IL1RAPL1: variants seen among roughly 807,000 people sequenced by gnomAD.
IL1RAPL1 encodes the protein interleukin-1 receptor accessory protein-like 1.
IL1RAPL1 carries 3 observed loss-of-function variants against 48.4 expected under a neutral mutation model. The observed-to-expected ratio is 0.06, with a 90% CI of 0.03 to 0.16. The LOEUF is 0.16. Among genes scored for constraint, IL1RAPL1 ranks in the 10% least tolerant of loss-of-function variants. The pLI, the probability that IL1RAPL1 is intolerant of heterozygous loss-of-function variation, is 1.00. For missense variants in IL1RAPL1, 349 were observed against 530.6 expected (o/e 0.66, Z 3.36); for synonymous variants, 185 against 187.7 (o/e 0.99, Z 0.12).
At chrX:29,885,573 G>C (rs1932141009) in intron 6 of IL1RAPL1, among the ~76,000 whole-genome samples, 1 of 111,733 alleles carries the variant, frequency 8.9e-6, no homozygotes, top group Non-Finnish European at 1.9e-5. Context: ...AACTTTAGGA[G>C]GCTGAGGCAG....
chrX:28,759,024 G>A lies in IL1RAPL1; in HGVS notation c.-24-30296G>A, dbSNP rs1035566707. Among the ~76,000 whole-genome samples the A allele has an allele frequency of 6.3e-5, 7 of 111,895 alleles. No individual in the cohort carries two copies. The Admixed American group carries it at 6.7e-4, about 11-fold the overall frequency. ...GGCCGAGGAGGGCAGATCACCTAAGGTCAGGCGTTCAAGACCAGCCTGGCC... is the reference window on the plus strand; with the variant it reads ...GGCCGAGGAGGGCAGATCACCTAAGATCAGGCGTTCAAGACCAGCCTGGCC... On this transcript the variant is annotated intron_variant, in intron 1 of 10. Coordinates refer to ENST00000378993, the MANE Select transcript of IL1RAPL1 (RefSeq NM_014271.4).
chrX:29,231,860 T>A (rs932757744), intron 2 of IL1RAPL1, among the ~76,000 whole-genome samples: 1 of 112,275 alleles, frequency 8.9e-6, no homozygotes. Flanking sequence ...TACTTCTGAT[T>A]TGCCATAAAG....
intron 2 of IL1RAPL1, among the ~76,000 whole-genome samples, chrX:28,934,990 G>A (rs1218670088): frequency 9.0e-6 from 1 of 111,425 alleles, no homozygotes; most frequent in African/African-American, 3.3e-5. Flanking sequence ...ATGTATGATG[G>A]TTCCAATTCT....
intron 2 of IL1RAPL1, among the ~76,000 whole-genome samples, chrX:29,260,769 G>C (rs1234020627): frequency 1.8e-5 from 2 of 110,579 alleles, no homozygotes; most frequent in Non-Finnish European, 3.8e-5. Flanking sequence ...AGATGAAAAA[G>C]TATTACCCAG....
At chrX:29,800,507 C>CAT (rs1345263722) in intron 6 of IL1RAPL1, among the ~76,000 whole-genome samples, 2 of 110,055 alleles carry the variant, frequency 1.8e-5, no homozygotes, top group South Asian at 3.9e-4. Flanking sequence ...CACACACACA[C>CAT]ACACACACAT....
chrX:29,956,011 G>A lies in IL1RAPL1; in HGVS notation c.*191G>A, dbSNP rs749020770. The A allele has an allele frequency of 8.3e-5, 36 of 435,143 alleles. No individual in the cohort carries two copies. Among genetic ancestry groups the A allele is most frequent in the Non-Finnish European group, 1.2e-4 (31 of 248,718 alleles). The allele number at this position is 435,143 out of a possible 1,213,427, so 35.9% of individuals were successfully genotyped here. Reference sequence around the variant, plus strand: ...CATCAGTGTCCTCCTGTTTTACCATGTCTTTTACCATTACATTTTTTGACT... The same window carrying A: ...CATCAGTGTCCTCCTGTTTTACCATATCTTTTACCATTACATTTTTTGACT... On this transcript the variant is annotated 3_prime_UTR_variant, in exon 11 of 11. Transcript: ENST00000378993.
At chrX:29,287,073 A>G (rs375348200) in intron 3 of IL1RAPL1, among the ~76,000 whole-genome samples, 2 of 111,079 alleles carry the variant, frequency 1.8e-5, no homozygotes, top group South Asian at 7.7e-4. Context: ...TTGTTCTTTT[A>G]TAGCTACATC....
At chrX:29,081,714 C>T (rs1194834331) in intron 2 of IL1RAPL1, among the ~76,000 whole-genome samples, 5 of 111,021 alleles carry the variant, frequency 4.5e-5, no homozygotes, top group African/African-American at 6.5e-5. Context: ...TACAAGAGTG[C>T]GGCAATAAAA....
intron 2 of IL1RAPL1, among the ~76,000 whole-genome samples, chrX:28,872,592 AT>A (rs755999422): frequency 2.2e-4 from 24 of 109,529 alleles, no homozygotes; most frequent in South Asian, 7.6e-4. Context: ...AACAAATTTG[AT>A]TTTTTTTTTA....
At chrX:29,844,456 AGT>A (rs1166397064) in intron 6 of IL1RAPL1, among the ~76,000 whole-genome samples, 2 of 111,555 alleles carry the variant, frequency 1.8e-5, no homozygotes, top group African/African-American at 6.5e-5. Context: ...TATAGGTCCA[AGT>A]CTTAACCCCC....
intron 6 of IL1RAPL1, among the ~76,000 whole-genome samples, chrX:29,704,668 C>G (rs1369306804): frequency 1.8e-5 from 2 of 110,446 alleles, no homozygotes; most frequent in Non-Finnish European, 3.8e-5. Context: ...GACTCCATCT[C>G]AAAAGGAAAA....
intron 2 of IL1RAPL1, among the ~76,000 whole-genome samples, chrX:29,055,519 A>G (rs1927193605): frequency 1.8e-5 from 2 of 111,867 alleles, no homozygotes; most frequent in Admixed American, 1.9e-4. Flanking sequence ...TTGGATGGGT[A>G]CTGACATTCT....
chrX:28,696,118 A>G (rs1312262140), intron 1 of IL1RAPL1, among the ~76,000 whole-genome samples: 4 of 111,575 alleles, frequency 3.6e-5, no homozygotes, highest in African/African-American at 1.3e-4. Flanking sequence ...TTATACATAA[A>G]TATATAACTT....
chrX:29,892,967 G>C (rs959465565), intron 6 of IL1RAPL1, among the ~76,000 whole-genome samples: 4 of 112,058 alleles, frequency 3.6e-5, no homozygotes, highest in African/African-American at 1.3e-4. Context: ...GGTGCTAACA[G>C]TCATTATGGT....
rs1421561388 is a variant in IL1RAPL1 at position 29,748,994 on chromosome X, G to T, written c.778+80490G>T. Among the ~76,000 whole-genome samples, 6 of 112,696 alleles carry T rather than the reference G, an allele frequency of 5.3e-5. No homozygotes were observed. In the South Asian group the frequency reaches 1.1e-3, roughly 20 times the overall value. On this transcript the variant is annotated intron_variant, in intron 6 of 10. Transcript: ENST00000378993. ...ATCATTTAAAGAAAGAATAGAAAGA[G>T]AATTTAAACAAAGGACATATAGTGA...
At chrX:28,992,502 G>GAAAAAAAAAAAAAAAAAAAAAAA (rs60650174) in intron 2 of IL1RAPL1, among the ~76,000 whole-genome samples, 1 of 49,598 alleles carries the variant, frequency 2.0e-5, no homozygotes, top group Non-Finnish European at 3.8e-5. Flanking sequence ...AAAAAAAAAA[G>GAAAAAAAAAAAAAAAAAAAAAAA]AAAAAAAAAA....
intron 6 of IL1RAPL1, among the ~76,000 whole-genome samples, chrX:29,728,973 T>G (rs1927848823): frequency 8.9e-6 from 1 of 111,960 alleles, no homozygotes; most frequent in Admixed American, 9.5e-5. Flanking sequence ...TGCCTCAGCA[T>G]AGTCAGAAGC....
intron 2 of IL1RAPL1, among the ~76,000 whole-genome samples, chrX:29,212,511 G>T (rs1334517569): frequency 9.0e-6 from 1 of 111,054 alleles, no homozygotes; most frequent in Non-Finnish European, 1.9e-5. Context: ...GTTTCTGCAT[G>T]TTGGCAAGGC....
chrX:29,268,308 G>T (rs1344913279), intron 2 of IL1RAPL1, among the ~76,000 whole-genome samples: 1 of 112,184 alleles, frequency 8.9e-6, no homozygotes, highest in Non-Finnish European at 1.9e-5. Flanking sequence ...CCAATTTACA[G>T]AATAAAAGAG....
Sources: gnomAD v4.1 joint callset for allele counts (sites outside exome capture counted in the v4.1 genomes callset) on GRCh38, gnomAD v4.1.1 for gene constraint, MANE v1.5 for transcripts, NCBI Gene and HGNC (gene_info 2026-07-23, HGNC 2026-07-21) for gene names.